SPIDR: variants seen among roughly 807,000 people sequenced by gnomAD.
SPIDR encodes DNA repair-scaffolding protein.
Under a neutral mutation model 104.6 loss-of-function variants are expected in SPIDR, and 93 were observed. The observed-to-expected ratio is 0.89, with a 90% CI of 0.75 to 1.06. The LOEUF (loss-of-function observed/expected upper bound fraction) is 1.06. Among genes scored for constraint, SPIDR ranks in the 50% least tolerant of loss-of-function variants. The pLI is 0.00. For missense variants in SPIDR, 1,154 were observed against 1,111.2 expected (o/e 1.04, Z -0.55); for synonymous variants, 431 against 416.9 (o/e 1.03, Z -0.41).
chr8:47,320,509 A>G (rs1406231048), intron 5 of SPIDR, among the ~76,000 whole-genome samples: 2 of 152,226 alleles, frequency 1.3e-5, no homozygotes, highest in Admixed American at 1.3e-4. Context: ...GCCGAATTCT[A>G]CCAGAGGTAC....
chr8:47,590,253 GA>G (rs1333564686), intron 8 of SPIDR, among the ~76,000 whole-genome samples: 1 of 151,792 alleles, frequency 6.6e-6, no homozygotes, highest in East Asian at 1.9e-4. Context: ...TTTGAGGTAA[GA>G]ACTTAGATTA....
chr8:47,369,436 C>T (rs1479932993), intron 5 of SPIDR, among the ~76,000 whole-genome samples: 1 of 152,236 alleles, frequency 6.6e-6, no homozygotes, highest in African/African-American at 2.4e-5. Context: ...CCTTGAGACA[C>T]TTAATTCTCC....
At chr8:47,507,650 T>C (rs191107731) in intron 8 of SPIDR, among the ~76,000 whole-genome samples, 97 of 152,332 alleles carry the variant, frequency 6.4e-4, no homozygotes, top group African/African-American at 2.2e-3. Flanking sequence ...ATGCTATATA[T>C]ATATGACTTT....
chr8:47,261,769 T>C (rs1384424582), intron 1 of SPIDR, among the ~76,000 whole-genome samples: 2 of 152,240 alleles, frequency 1.3e-5, no homozygotes, highest in Non-Finnish European at 2.9e-5. Flanking sequence ...GCTTTCTCGC[T>C]TCTCAAATAC....
At chr8:47,675,458 G>T (rs1358300774) in intron 11 of SPIDR, among the ~76,000 whole-genome samples, 2 of 152,184 alleles carry the variant, frequency 1.3e-5, no homozygotes, top group Non-Finnish European at 2.9e-5. Context: ...GTCTAGATAC[G>T]AGAAAAGCTT....
intron 10 of SPIDR, chr8:47,660,888 C>T: frequency 1.1e-6 from 1 of 926,590 alleles, no homozygotes; most frequent in Non-Finnish European, 1.3e-6. Flanking sequence ...CAGTTAACTG[C>T]ATGTGTAACA....
rs566546418 is a variant in SPIDR, at chr8:47,373,504, A to G, written c.526-22872A>G. Among the ~76,000 whole-genome samples, 594 of 151,400 alleles carry G rather than the reference A, an allele frequency of 3.9e-3. 3 individuals are homozygous for G. Among genetic ancestry groups the G allele is most frequent in the South Asian group, 0.022 (108 of 4,812 alleles). Reference sequence around the variant, plus strand: ...TGGGATTTTTTTTCTTTTTTTTTTAATTTTTATTTTTGTTATTATACTTTA... The same window carrying G: ...TGGGATTTTTTTTCTTTTTTTTTTAGTTTTTATTTTTGTTATTATACTTTA... On this transcript the variant is annotated intron_variant, in intron 5 of 19. Coordinates refer to ENST00000297423, the MANE Select transcript of SPIDR (RefSeq NM_001080394.4).
intron 11 of SPIDR, among the ~76,000 whole-genome samples, chr8:47,676,564 C>G (rs2076477360): frequency 6.6e-6 from 1 of 151,872 alleles, no homozygotes; most frequent in Non-Finnish European, 1.5e-5. Flanking sequence ...TTCTCGTAAA[C>G]TTTAACAAAA....
chr8:47,492,005 C>T (rs994387131), intron 8 of SPIDR, among the ~76,000 whole-genome samples: 8 of 152,172 alleles, frequency 5.3e-5, no homozygotes, highest in African/African-American at 1.9e-4. Context: ...GTGACGCTGT[C>T]TTATGGTTAA....
rs186136452 is a variant in SPIDR, at chr8:47,533,321, C to T, written c.1098-62490C>T. On this transcript the variant is annotated intron_variant, in intron 8 of 19. Coordinates refer to ENST00000297423, the MANE Select transcript of SPIDR (RefSeq NM_001080394.4). ...AATGTAAAATCCCAAACTATAAAAA[C>T]CCTGGAAGACAACTTAGGCAGTACC... is the stretch of plus-strand genomic sequence containing the variant. 2.7e-3 allele frequency among the ~76,000 whole-genome samples: 407 copies of T among 152,044 alleles called. 5 individuals are homozygous for T. Among genetic ancestry groups the T allele is most frequent in the South Asian group, 0.016 (78 of 4,818 alleles).
intron 5 of SPIDR, among the ~76,000 whole-genome samples, chr8:47,320,770 C>G (rs1003261031): frequency 3.9e-5 from 6 of 152,156 alleles, no homozygotes; most frequent in Non-Finnish European, 8.8e-5. Context: ...GGCTTCATCC[C>G]TGGGATGCAA....
chr8:47,424,156 G>A (rs2066034520), intron 7 of SPIDR, among the ~76,000 whole-genome samples: 2 of 152,194 alleles, frequency 1.3e-5, no homozygotes, highest in African/African-American at 2.4e-5. Context: ...TGTTTTAGGG[G>A]CAGGTCTGGG....
intron 5 of SPIDR, among the ~76,000 whole-genome samples, chr8:47,380,166 G>A (rs1554644621): frequency 6.6e-6 from 1 of 151,266 alleles, no homozygotes. Flanking sequence ...TTGAGTGTAG[G>A]TCTGAGTCGA....
chr8:47,323,107 GA>G (rs79721470), intron 5 of SPIDR, among the ~76,000 whole-genome samples: 2 of 142,108 alleles, frequency 1.4e-5, no homozygotes, highest in African/African-American at 2.6e-5. Flanking sequence ...AAGAAGAAGA[GA>G]AAAAAAAAAG....
intron 8 of SPIDR, among the ~76,000 whole-genome samples, chr8:47,549,391 G>A (rs2090064668): frequency 6.6e-6 from 1 of 152,208 alleles, no homozygotes; most frequent in African/African-American, 2.4e-5. Flanking sequence ...CACCAACAGT[G>A]TAAAAGTGTT....
chr8:47,496,846 CAGA>C (rs750834502), intron 8 of SPIDR, among the ~76,000 whole-genome samples: 1 of 133,598 alleles, frequency 7.5e-6, no homozygotes. Context: ...GTTTGTTTGT[CAGA>C]AGTTTTAAGT....
intron 8 of SPIDR, among the ~76,000 whole-genome samples, chr8:47,558,011 A>G (rs1227503339): frequency 6.6e-6 from 1 of 152,228 alleles, no homozygotes; most frequent in Admixed American, 6.5e-5. Flanking sequence ...AGGAACATGG[A>G]TGCAGCTGGA....
chr8:47,399,495 C>T (rs574510810), intron 6 of SPIDR, among the ~76,000 whole-genome samples: 29 of 152,242 alleles, frequency 1.9e-4, no homozygotes, highest in African/African-American at 2.4e-4. Flanking sequence ...AGGATGAGAA[C>T]GGAGTTGTGG....
At chr8:47,607,051 G>T (rs1251196605) in intron 10 of SPIDR, among the ~76,000 whole-genome samples, 1 of 152,184 alleles carries the variant, frequency 6.6e-6, no homozygotes, top group Non-Finnish European at 1.5e-5. Flanking sequence ...TCATCCATCT[G>T]CTTAGCATCA....
Sources: allele counts gnomAD v4.1 joint callset (sites outside exome capture counted in the v4.1 genomes callset), GRCh38; gene constraint gnomAD v4.1.1; transcripts MANE v1.5; gene names NCBI Gene and HGNC (gene_info 2026-07-23, HGNC 2026-07-21).